The following PRRC2C variants were observed in gnomAD, a reference collection of about 807,000 sequenced individuals.
PRRC2C encodes the protein protein PRRC2C.
A neutral mutation model predicts 317.2 loss-of-function variants in PRRC2C; 72 were observed. The observed-to-expected ratio is 0.23, with a 90% CI of 0.19 to 0.28. The LOEUF is 0.28. Among genes scored for constraint, PRRC2C ranks in the 10% least tolerant of loss-of-function variants. The pLI, the probability that PRRC2C is intolerant of heterozygous loss-of-function variation, is 1.00. For missense variants in PRRC2C, 3,074 were observed against 3,459.7 expected (o/e 0.89, Z 2.80); for synonymous variants, 1,296 against 1,205.9 (o/e 1.07, Z -1.55).
intron 20 of PRRC2C, 22 bp downstream of exon 20, chr1:171,561,125 C>G (rs1682604725): frequency 1.3e-6 from 2 of 1,541,566 alleles, no homozygotes; most frequent in African/African-American, 1.4e-5. Flanking sequence ...CTTTTAACAG[C>G]ATAGGTGTGC....
At chr1:171,506,832 A>G (rs747831882) in intron 1 of PRRC2C, among the ~76,000 whole-genome samples, 88 of 151,218 alleles carry the variant, frequency 5.8e-4, no homozygotes, top group Non-Finnish European at 1.1e-3. Context: ...TTTTTTCTCT[A>G]TGTTTTGATG....
chr1:171,568,804 A>G (rs1684163679), intron 23 of PRRC2C, among the ~76,000 whole-genome samples: 1 of 151,802 alleles, frequency 6.6e-6, no homozygotes, highest in Non-Finnish European at 1.5e-5. Context: ...AAGAAAAAAT[A>G]CCAGCGTGTT....
chr1:171,550,647 G>A (rs996197868), intron 18 of PRRC2C, among the ~76,000 whole-genome samples: 5 of 132,538 alleles, frequency 3.8e-5, no homozygotes, highest in Non-Finnish European at 4.6e-5. Flanking sequence ...GCCCAGGTGT[G>A]TGATGTTCCC....
intron 1 of PRRC2C, among the ~76,000 whole-genome samples, chr1:171,498,800 A>G (rs548048220): frequency 1.3e-5 from 2 of 152,170 alleles, no homozygotes; most frequent in East Asian, 3.9e-4. Flanking sequence ...TCCAGCTTCT[A>G]CTGGGCTTTC....
At chr1:171,549,388 G>C (rs949326646) in intron 17 of PRRC2C, among the ~76,000 whole-genome samples, 3 of 152,160 alleles carry the variant, frequency 2.0e-5, no homozygotes, top group Non-Finnish European at 2.9e-5. Context: ...CCACCTCTTA[G>C]AATGGTTAGA....
chr1:171,546,745 C>A (rs560673931), intron 17 of PRRC2C, among the ~76,000 whole-genome samples: 1 of 152,206 alleles, frequency 6.6e-6, no homozygotes. Context: ...GGAGTACAAG[C>A]ATGAGCCACC....
intron 32 of PRRC2C, 120 bp downstream of exon 32, chr1:171,587,871 C>G (rs1396669343): frequency 1.6e-6 from 1 of 611,636 alleles, no homozygotes; most frequent in Non-Finnish European, 2.8e-6. Context: ...TTAAGACATT[C>G]TTTTTGATAG....
intron 6 of PRRC2C, among the ~76,000 whole-genome samples, chr1:171,521,127 A>G (rs1673472674): frequency 6.6e-6 from 1 of 152,174 alleles, no homozygotes; most frequent in South Asian, 2.1e-4. Flanking sequence ...TTTAGACAGC[A>G]TAATCATATA....
In PRRC2C at chr1:171,584,374, A is replaced by AT. The variant is rs751796396; in HGVS notation, c.7642-38dup. The AT allele has an allele frequency of 1.1e-5, 17 of 1,492,842 alleles. No homozygotes were observed. In the Admixed American group the frequency reaches 2.7e-4, roughly 24 times the overall value. The allele number at this position is 1,492,842 out of a possible 1,614,324, so 92.5% of individuals were successfully genotyped here. ...CATAATCTCCACCTCTGAATTTGAA[A>AT]TTTTTTTCAGTCTTACTCATGTTTT... On this transcript the variant is annotated intron_variant, in intron 29 of 34. Transcript: ENST00000647382.
intron 6 of PRRC2C, among the ~76,000 whole-genome samples, chr1:171,518,744 C>G (rs997992487): frequency 7.2e-6 from 1 of 139,850 alleles, no homozygotes; most frequent in Non-Finnish European, 1.5e-5. Context: ...ATCAAGTAGT[C>G]TGCCCACCTT....
intron 1 of PRRC2C, among the ~76,000 whole-genome samples, chr1:171,500,874 T>A (rs1248932035): frequency 1.3e-5 from 2 of 152,164 alleles, no homozygotes; most frequent in Non-Finnish European, 2.9e-5. Context: ...GTACAAAATA[T>A]GGAAAATGCA....
At chr1:171,561,400 T>C (rs1268666582) in intron 20 of PRRC2C, among the ~76,000 whole-genome samples, 3 of 152,146 alleles carry the variant, frequency 2.0e-5, no homozygotes, top group African/African-American at 7.2e-5. Context: ...TACAGTAAAG[T>C]CATAACTGTG....
chr1:171,488,778 G>T, intron 1 of PRRC2C, among the ~76,000 whole-genome samples: 1 of 152,136 alleles, frequency 6.6e-6, no homozygotes, highest in East Asian at 1.9e-4. Context: ...TGGCAGACAT[G>T]ATTAACTAGA....
chr1:171,522,320 G>T lies in PRRC2C; in HGVS notation c.833+61G>T, dbSNP rs1673732618. On this transcript the variant is annotated intron_variant, in intron 7 of 34. Coordinates refer to ENST00000647382, the MANE Select transcript of PRRC2C (RefSeq NM_001387844.1). ...ATATGCTTGTTAAGATTTCCTGAAG[G>T]TTGAGTGGATTGTGTGATTCTGAGT... is the stretch of plus-strand genomic sequence containing the variant. 3.4e-6 allele frequency: 4 copies of T among 1,176,106 alleles called. No homozygotes were observed. The South Asian group carries it at 5.1e-5, about 15-fold the overall frequency. The allele number at this position is 1,176,106 out of a possible 1,614,324, so 72.9% of individuals were successfully genotyped here.
chr1:171,530,595 T>C (rs1675652803), intron 11 of PRRC2C, among the ~76,000 whole-genome samples: 1 of 151,818 alleles, frequency 6.6e-6, no homozygotes, highest in Non-Finnish European at 1.5e-5. Flanking sequence ...CAATAATACG[T>C]AGTTAAACAA....
intron 33 of PRRC2C, among the ~76,000 whole-genome samples, chr1:171,588,800 G>C (rs781520867): frequency 1.3e-5 from 2 of 152,062 alleles, no homozygotes; most frequent in African/African-American, 2.4e-5. Context: ...TTCAGCGAAG[G>C]GTCCCAGTGC....
At position 171,593,281 on chromosome 1, in the gene PRRC2C, T is replaced by C. The variant is rs1166539098; in HGVS notation, c.*1434T>C. The C allele has an allele frequency of 2.0e-5, 3 of 148,270 alleles. No individual in the cohort carries two copies. Among genetic ancestry groups the C allele is most frequent in the African/African-American group, 7.3e-5 (3 of 40,848 alleles). The allele number at this position is 148,270 out of a possible 1,614,324, so 9.2% of individuals were successfully genotyped here. On this transcript the variant is annotated 3_prime_UTR_variant, in exon 35 of 35. Coordinates refer to ENST00000647382, the MANE Select transcript of PRRC2C (RefSeq NM_001387844.1). ...ATATATATATATATATACATATATA[T>C]ATATAATTTGAATTTTTGGAAACTT...
At chr1:171,589,138 C>A (rs1038989932) in intron 33 of PRRC2C, among the ~76,000 whole-genome samples, 1 of 152,134 alleles carries the variant, frequency 6.6e-6, no homozygotes, top group Admixed American at 6.6e-5. Context: ...GATGCTAGGA[C>A]CAACTGAAGT....
chr1:171,547,942 C>T (rs1018940928), intron 17 of PRRC2C, among the ~76,000 whole-genome samples: 2 of 151,852 alleles, frequency 1.3e-5, no homozygotes, highest in Admixed American at 6.6e-5. Context: ...CATGAGCCAC[C>T]GTGCCTGGCT....
Sources: allele counts gnomAD v4.1 joint callset (sites outside exome capture counted in the v4.1 genomes callset), GRCh38; gene constraint gnomAD v4.1.1; transcripts MANE v1.5; gene names NCBI Gene and HGNC (gene_info 2026-07-23, HGNC 2026-07-21).